The following COX7B2 variants were observed in gnomAD, a reference collection of about 807,000 sequenced individuals.
COX7B2 encodes the protein cytochrome c oxidase subunit 7B2, mitochondrial.
For synonymous variants in COX7B2, 37 were observed against 32.1 expected (o/e 1.15, Z -0.51); for missense variants, 109 against 95.9 (o/e 1.14, Z -0.57).
At chr4:46,891,969 C>T (rs1577705666) in intron 1 of COX7B2, among the ~76,000 whole-genome samples, 1 of 152,318 alleles carries the variant, frequency 6.6e-6, no homozygotes, top group East Asian at 1.9e-4. Flanking sequence ...CCTTTTCACT[C>T]TATTCTGGTA....
intron 2 of COX7B2, among the ~76,000 whole-genome samples, chr4:46,750,082 C>A (rs1354641576): frequency 6.6e-6 from 1 of 151,940 alleles, no homozygotes; most frequent in Non-Finnish European, 1.5e-5. Context: ...CTTTTATTGG[C>A]CAGGTGCAGT....
chr4:46,861,902 C>A (rs1717355239), intron 1 of COX7B2, among the ~76,000 whole-genome samples: 1 of 152,192 alleles, frequency 6.6e-6, no homozygotes, highest in South Asian at 2.1e-4. Flanking sequence ...GCTCAGGGTT[C>A]CACCCCAAGG....
At chr4:46,875,604 G>C (rs1718270274) in intron 1 of COX7B2, among the ~76,000 whole-genome samples, 1 of 151,812 alleles carries the variant, frequency 6.6e-6, no homozygotes. Flanking sequence ...TAGTGATTAT[G>C]GGAAAAGGCC....
intron 2 of COX7B2, among the ~76,000 whole-genome samples, chr4:46,769,250 C>A (rs1157732517): frequency 1.3e-5 from 2 of 152,020 alleles, no homozygotes; most frequent in Admixed American, 6.6e-5. Context: ...GATACCAAAG[C>A]CAGACAAGGA....
chr4:46,864,707 C>G (rs1339971073), intron 1 of COX7B2, among the ~76,000 whole-genome samples: 2 of 151,880 alleles, frequency 1.3e-5, no homozygotes, highest in Non-Finnish European at 2.9e-5. Context: ...TGCAGTGGCG[C>G]GATCTAGGCT....
intron 2 of COX7B2, among the ~76,000 whole-genome samples, chr4:46,814,488 A>T (rs1353958068): frequency 6.6e-6 from 1 of 152,218 alleles, no homozygotes; most frequent in Non-Finnish European, 1.5e-5. Flanking sequence ...AGTGCAAACT[A>T]TACAACATTT....
At chr4:46,853,301 C>T (rs1716811140) in intron 1 of COX7B2, among the ~76,000 whole-genome samples, 1 of 152,132 alleles carries the variant, frequency 6.6e-6, no homozygotes, top group Non-Finnish European at 1.5e-5. Context: ...ACCTCTCATT[C>T]TAATCCACAT....
At chr4:46,735,567 T>G (rs1032121360) in intron 2 of COX7B2, among the ~76,000 whole-genome samples, 4 of 152,152 alleles carry the variant, frequency 2.6e-5, no homozygotes, top group Admixed American at 6.6e-5. Flanking sequence ...TTAACATGGC[T>G]ACAATAGACA....
chr4:46,804,632 A>G (rs1718888764), intron 2 of COX7B2, among the ~76,000 whole-genome samples: 1 of 152,220 alleles, frequency 6.6e-6, no homozygotes, highest in South Asian at 2.1e-4. Flanking sequence ...ACCCTGAGCT[A>G]GACACAGGGT....
intron 1 of COX7B2, among the ~76,000 whole-genome samples, chr4:46,848,463 T>A (rs781422772): frequency 1.1e-4 from 16 of 152,090 alleles, no homozygotes; most frequent in Non-Finnish European, 2.1e-4. Flanking sequence ...GGATGCAAAC[T>A]TATGCTATTT....
intron 1 of COX7B2, among the ~76,000 whole-genome samples, chr4:46,898,325 C>T (rs973600411): frequency 6.6e-6 from 1 of 152,264 alleles, no homozygotes; most frequent in African/African-American, 2.4e-5. Context: ...TCTCCAAAAG[C>T]CAAATCTATA....
At chr4:46,809,634 C>A (rs1355158092) in intron 2 of COX7B2, among the ~76,000 whole-genome samples, 1 of 151,840 alleles carries the variant, frequency 6.6e-6, no homozygotes, top group Non-Finnish European at 1.5e-5. Context: ...AAATGATACT[C>A]AATAGGACTT....
At chr4:46,821,441 C>T (rs1018335718) in intron 2 of COX7B2, among the ~76,000 whole-genome samples, 14 of 152,144 alleles carry the variant, frequency 9.2e-5, no homozygotes, top group African/African-American at 3.1e-4. Flanking sequence ...TAAATTAGTA[C>T]ACAACACAAT....
chr4:46,782,719 A>T (rs1717547002), intron 2 of COX7B2, among the ~76,000 whole-genome samples: 1 of 152,224 alleles, frequency 6.6e-6, no homozygotes, highest in Admixed American at 6.5e-5. Context: ...GAAGCCAGCA[A>T]GACCAAGAAC....
At chr4:46,805,782 T>G (rs558880798) in intron 2 of COX7B2, among the ~76,000 whole-genome samples, 2 of 152,280 alleles carry the variant, frequency 1.3e-5, no homozygotes, top group East Asian at 3.9e-4. Flanking sequence ...CCCTCCTGCT[T>G]CTATTAGATG....
intron 2 of COX7B2, among the ~76,000 whole-genome samples, chr4:46,829,047 GT>G (rs1213737246): frequency 6.6e-6 from 1 of 152,118 alleles, no homozygotes; most frequent in African/African-American, 2.4e-5. Flanking sequence ...GACAACAGCA[GT>G]ATTCTAAGCA....
intron 1 of COX7B2, among the ~76,000 whole-genome samples, chr4:46,849,393 A>G (rs1177732775): frequency 1.3e-5 from 2 of 152,026 alleles, no homozygotes; most frequent in Non-Finnish European, 2.9e-5. Context: ...TTATTTTATT[A>G]CTAACTATTT....
At chr4:46,779,422 T>C (rs1023556228) in intron 2 of COX7B2, among the ~76,000 whole-genome samples, 2 of 152,228 alleles carry the variant, frequency 1.3e-5, no homozygotes, top group Non-Finnish European at 2.9e-5. Context: ...CAGTCATCCA[T>C]TGATGGAAAC....
intron 2 of COX7B2, among the ~76,000 whole-genome samples, chr4:46,737,890 C>A (rs1295962391): frequency 1.3e-5 from 2 of 152,120 alleles, no homozygotes; most frequent in African/African-American, 2.4e-5. Flanking sequence ...TCTTTTATTT[C>A]CTACCATATG....
Sources: allele counts gnomAD v4.1 joint callset (sites outside exome capture counted in the v4.1 genomes callset), GRCh38; gene constraint gnomAD v4.1.1; transcripts MANE v1.5; gene names NCBI Gene and HGNC (gene_info 2026-07-23, HGNC 2026-07-21).